Variants in PCGF3 observed in about 807,000 individuals in gnomAD.
PCGF3 encodes polycomb group RING finger protein 3.
Under a neutral mutation model 33.1 loss-of-function variants are expected in PCGF3, and 7 were observed. The ratio of observed to expected loss-of-function variants is 0.21; its 90% CI spans 0.12 to 0.40. The LOEUF (loss-of-function observed/expected upper bound fraction) is 0.40. Ranked by LOEUF, PCGF3 falls within the 10% of genes least tolerant of loss-of-function variation. PCGF3 has a pLI of 1.00. For synonymous variants in PCGF3, 153 were observed against 121.3 expected (o/e 1.26, Z -1.72); for missense variants, 211 against 313.3 (o/e 0.67, Z 2.46).
intron 6 of PCGF3, among the ~76,000 whole-genome samples, chr4:738,738 A>G (rs1311567413): frequency 1.3e-5 from 2 of 152,088 alleles, no homozygotes; most frequent in South Asian, 2.1e-4. Flanking sequence ...AGGTGCCTGT[A>G]ATCCCAGCTA....
chr4:760,517 G>A (rs1370986454), intron 8 of PCGF3, among the ~76,000 whole-genome samples: 1 of 152,138 alleles, frequency 6.6e-6, no homozygotes, highest in Non-Finnish European at 1.5e-5. Context: ...TGTACCCCTG[G>A]TGTCCTCCCT....
At chr4:724,437 C>T (rs1274806724) in intron 1 of PCGF3, among the ~76,000 whole-genome samples, 8 of 152,214 alleles carry the variant, frequency 5.3e-5, no homozygotes, top group African/African-American at 9.6e-5. Flanking sequence ...GACCAGAAGG[C>T]GGAGCCCATG....
intron 6 of PCGF3, among the ~76,000 whole-genome samples, 187 bp from the exon 7 acceptor site, chr4:743,287 C>G (rs936109957): frequency 6.6e-6 from 1 of 152,156 alleles, no homozygotes; most frequent in African/African-American, 2.4e-5. Flanking sequence ...GGGCGGGTGC[C>G]CGGGGGGTGC....
exon 11 of PCGF3, chr4:766,961 G>A (rs1196226416): frequency 1.3e-5 from 2 of 152,330 alleles, no homozygotes. Flanking sequence ...TGAAGGGAGA[G>A]GTGGTGGTGG....
intron 10 of PCGF3, among the ~76,000 whole-genome samples, chr4:765,321 T>C (rs1219228413): frequency 4.6e-5 from 7 of 152,008 alleles, no homozygotes; most frequent in Non-Finnish European, 8.8e-5. Context: ...TAGTCTCAGC[T>C]ACTCAGGAGG....
intron 1 of PCGF3, among the ~76,000 whole-genome samples, chr4:707,765 C>G (rs1196633155): frequency 7.4e-6 from 1 of 135,144 alleles, no homozygotes; most frequent in Non-Finnish European, 1.6e-5. Context: ...CTGTTTTCAC[C>G]TGGGGGCCGG....
chr4:743,446 TGAAA>T, intron 6 of PCGF3, 24 bp from the exon 7 acceptor site: 2 of 1,332,270 alleles, frequency 1.5e-6, no homozygotes, highest in Non-Finnish European at 2.2e-6. Flanking sequence ...GCCTGTGAGA[TGAAA>T]GACTGTGTGT....
chr4:713,034 C>T (rs2109516789), intron 1 of PCGF3, among the ~76,000 whole-genome samples: 1 of 139,258 alleles, frequency 7.2e-6, no homozygotes, highest in Admixed American at 7.1e-5. Flanking sequence ...CCTGTGGGGC[C>T]TGTGGGCCCT....
intron 4 of PCGF3, 155 bp from the exon 5 acceptor site, chr4:734,776 A>T: frequency 7.1e-7 from 1 of 1,409,600 alleles, no homozygotes; most frequent in Non-Finnish European, 9.3e-7. Flanking sequence ...GAACGGCAAG[A>T]TGTTTCCTTT....
At chr4:728,436 C>T (rs964522210) in intron 1 of PCGF3, among the ~76,000 whole-genome samples, 2 of 150,518 alleles carry the variant, frequency 1.3e-5, no homozygotes, top group Non-Finnish European at 2.9e-5. Context: ...GTGGCGTGCA[C>T]AGCGTGTTAA....
chr4:724,809 C>A (rs191967170), intron 1 of PCGF3, among the ~76,000 whole-genome samples: 1,555 of 151,768 alleles, frequency 0.01, 20 homozygotes, highest in Non-Finnish European at 0.014. Context: ...CACACACACA[C>A]AAAAAATTAG....
At chr4:751,198 G>A (rs752522735) in intron 8 of PCGF3, among the ~76,000 whole-genome samples, 16 of 152,040 alleles carry the variant, frequency 1.1e-4, no homozygotes, top group South Asian at 2.1e-4. Flanking sequence ...GATTATCCGC[G>A]TCTATAACTT....
intron 8 of PCGF3, among the ~76,000 whole-genome samples, chr4:751,455 C>T (rs1276765805): frequency 3.9e-5 from 6 of 152,158 alleles, no homozygotes; most frequent in Admixed American, 6.5e-5. Flanking sequence ...CACGTCCGCA[C>T]GTCACTTCTG....
In PCGF3 at chr4:708,086, C is replaced by T. The variant is rs1409894933; in HGVS notation, c.-190+2116C>T. Among the ~76,000 whole-genome samples, 2 of 151,086 alleles carry T rather than the reference C, an allele frequency of 1.3e-5. 1 individual carries two copies. The highest frequency in any genetic ancestry group is 2.9e-5 in the Non-Finnish European group (2 of 67,830). ...CGGGACCCTGGGACAGCCCTGTTTTCACCTGGGGGCCGGGACCCTGAGACA... is the reference window on the plus strand; with the variant it reads ...CGGGACCCTGGGACAGCCCTGTTTTTACCTGGGGGCCGGGACCCTGAGACA... On this transcript the variant is annotated intron_variant, in intron 1 of 10. Coordinates refer to ENST00000362003, the Ensembl canonical transcript of PCGF3.
At chr4:766,602 AC>A (rs1441241849) in exon 11 of PCGF3, 1 of 152,430 alleles carries the variant, frequency 6.6e-6, no homozygotes, top group Non-Finnish European at 1.5e-5. Flanking sequence ...TTAAAAGCAA[AC>A]CAAAAGAGGT....
In PCGF3 at chr4:721,685, G is replaced by A. The variant is rs1461127623; in HGVS notation, c.-189-8945G>A. 1.3e-5 allele frequency among the ~76,000 whole-genome samples: 2 copies of A among 152,000 alleles called. No homozygotes were observed. Among genetic ancestry groups the A allele is most frequent in the African/African-American group, 2.4e-5 (1 of 41,368 alleles). On this transcript the variant is annotated intron_variant, in intron 1 of 10. Coordinates refer to ENST00000362003, the Ensembl canonical transcript of PCGF3. This position sits in a 1 kb window ranked among gnomAD's most constrained non-coding sequence, Gnocchi z 4.1. ...CCCTTAGGGAGACGGGTGGCTCTGC[G>A]TGTGGGTGTGGAGAGAGGCCTGTGG...
chr4:734,294 T>C (rs1242197095), intron 4 of PCGF3: 2 of 1,456,776 alleles, frequency 1.4e-6, no homozygotes, highest in South Asian at 1.5e-5. Context: ...GGCTCGGCTC[T>C]TATGCTAACC....
intron 9 of PCGF3, chr4:764,618 A>T: frequency 5.1e-6 from 1 of 195,414 alleles, no homozygotes; most frequent in Non-Finnish European, 1.1e-5. Flanking sequence ...GCCTGTCAAG[A>T]GAAAAAGGGT....
At chr4:766,313 A>T (rs1577453899) in exon 11 of PCGF3, 1 of 462,406 alleles carries the variant, frequency 2.2e-6, no homozygotes, top group Non-Finnish European at 3.9e-6. Flanking sequence ...CCCCCGCCCC[A>T]CCCCGTGCTT....
Sources: allele counts gnomAD v4.1 joint callset (sites outside exome capture counted in the v4.1 genomes callset), GRCh38; gene constraint gnomAD v4.1.1; non-coding constraint Gnocchi (gnomAD v3.1); transcripts MANE v1.5; gene names NCBI Gene and HGNC (gene_info 2026-07-23, HGNC 2026-07-21).